EBAG9: variants seen among roughly 807,000 people sequenced by gnomAD.
EBAG9 encodes the protein estrogen receptor binding site associated antigen 9.
A neutral mutation model predicts 30.9 loss-of-function variants in EBAG9; 16 were observed. The ratio of observed to expected loss-of-function variants is 0.52; its 90% CI spans 0.35 to 0.79. EBAG9 has a LOEUF of 0.79. EBAG9 is among the 30% of genes least tolerant of loss of function. EBAG9 has a pLI of 0.01. For missense variants in EBAG9, 197 were observed against 242.1 expected (o/e 0.81, Z 1.24); for synonymous variants, 93 against 82.8 (o/e 1.12, Z -0.67).
rs374873383 is a variant in EBAG9 at position 109,564,584 on chromosome 8, A to G, written c.*25A>G. ...ACACATGTTCAAATTTTATCATGCCAGTAGGAGAAATCTCAGCTCCACAAC... is the reference window on the plus strand; with the variant it reads ...ACACATGTTCAAATTTTATCATGCCGGTAGGAGAAATCTCAGCTCCACAAC... On this transcript the variant is annotated 3_prime_UTR_variant, in exon 7 of 7. Transcript: ENST00000337573. The G allele has an allele frequency of 6.2e-7, 1 of 1,609,122 alleles. No individual in the cohort carries two copies. The highest frequency in any genetic ancestry group is 1.1e-5 in the South Asian group (1 of 90,778).
chr8:109,564,136 G>A (rs576871792), intron 6 of EBAG9, among the ~76,000 whole-genome samples: 2 of 152,112 alleles, frequency 1.3e-5, no homozygotes, highest in Admixed American at 6.6e-5. Flanking sequence ...AGTGTCAGAA[G>A]ATGTGAGTTC....
chr8:109,544,666 CTG>C (rs1821347668), intron 1 of EBAG9, among the ~76,000 whole-genome samples: 2 of 152,126 alleles, frequency 1.3e-5, no homozygotes, highest in South Asian at 4.1e-4. Context: ...AATGTTATTC[CTG>C]TAAGTGTGTG....
At chr8:109,540,977 A>G (rs1821261691) in intron 1 of EBAG9, among the ~76,000 whole-genome samples, 1 of 152,136 alleles carries the variant, frequency 6.6e-6, no homozygotes, top group African/African-American at 2.4e-5. Context: ...CAGTTTACCG[A>G]GAATTTCAAC....
At chr8:109,558,866 T>C (rs1217728093) in intron 5 of EBAG9, among the ~76,000 whole-genome samples, 1 of 152,242 alleles carries the variant, frequency 6.6e-6, no homozygotes, top group Non-Finnish European at 1.5e-5. Flanking sequence ...TCATGTTTTA[T>C]ACTTTTTTAG....
Position 109,564,704 on chromosome 8 carries a change from C to G in EBAG9, c.*145C>G, listed in dbSNP as rs1239394547. ...AGGCCATCCAGGACACCACGATTCT[C>G]CCAAAGTACCTTGAACTCTTAGTGA... On this transcript the variant is annotated 3_prime_UTR_variant, in exon 7 of 7. Coordinates refer to ENST00000337573, the MANE Select transcript of EBAG9 (RefSeq NM_004215.5). 7 of 1,159,174 alleles carry G rather than the reference C, an allele frequency of 6.0e-6. No individual in the cohort carries two copies. The highest frequency in any genetic ancestry group is 1.7e-5 in the South Asian group (1 of 57,468). The allele number at this position is 1,159,174 out of a possible 1,614,324, so 71.8% of individuals were successfully genotyped here.
intron 2 of EBAG9, among the ~76,000 whole-genome samples, chr8:109,551,374 C>T (rs1821491182): frequency 6.6e-6 from 1 of 151,144 alleles, no homozygotes; most frequent in African/African-American, 2.4e-5. Context: ...CTAGAATATG[C>T]AGGAAGTCAA....
chr8:109,545,803 A>C (rs1441901615), intron 1 of EBAG9, among the ~76,000 whole-genome samples: 1 of 152,210 alleles, frequency 6.6e-6, no homozygotes, highest in East Asian at 1.9e-4. Flanking sequence ...TTAAGGACTG[A>C]GACACTACAA....
chr8:109,547,533 T>C (rs1370678147), intron 1 of EBAG9, among the ~76,000 whole-genome samples: 2 of 151,804 alleles, frequency 1.3e-5, no homozygotes, highest in African/African-American at 4.8e-5. Flanking sequence ...CAGGCTGGAG[T>C]GCAGTGGCGT....
At chr8:109,549,829 A>T (rs1025520236) in intron 1 of EBAG9, among the ~76,000 whole-genome samples, 1 of 152,016 alleles carries the variant, frequency 6.6e-6, no homozygotes, top group Admixed American at 6.6e-5. Flanking sequence ...TATACCTGGT[A>T]ATGTTATTTT....
chr8:109,554,682 A>C (rs755009276), intron 3 of EBAG9, 47 bp from the exon 4 acceptor site: 5 of 1,577,904 alleles, frequency 3.2e-6, no homozygotes, highest in Admixed American at 3.6e-5. Flanking sequence ...TGATGTGTTC[A>C]TTAAGTTGCC....
chr8:109,564,576 A>G lies in EBAG9; in HGVS notation c.*17A>G. The G allele has an allele frequency of 1.2e-6, 2 of 1,610,520 alleles. No homozygotes were observed. The highest frequency in any genetic ancestry group is 1.7e-6 in the Non-Finnish European group (2 of 1,177,678). On this transcript the variant is annotated 3_prime_UTR_variant, in exon 7 of 7. Transcript: ENST00000337573. The stretch of plus-strand genomic sequence containing the variant: ...CTTTCATAACACATGTTCAAATTTT[A>G]TCATGCCAGTAGGAGAAATCTCAGC...
At chr8:109,560,203 G>A (rs1821683569) in intron 5 of EBAG9, among the ~76,000 whole-genome samples, 2 of 152,152 alleles carry the variant, frequency 1.3e-5, no homozygotes, top group African/African-American at 4.8e-5. Flanking sequence ...GTCTGGCTTG[G>A]GAAATAGAGG....
At position 109,550,754 on chromosome 8, in the gene EBAG9, G is replaced by A. The variant is rs938164075; in HGVS notation, c.-15-56G>A. On this transcript the variant is annotated intron_variant, in intron 1 of 6. Coordinates refer to ENST00000337573, the MANE Select transcript of EBAG9 (RefSeq NM_004215.5). ...TGCATAATAGGTCTTTTCAGGACAG[G>A]AGTATGACTTTTGAAATCAATTTAA... 7.9e-5 allele frequency: 78 copies of A among 989,436 alleles called. No individual in the cohort carries two copies. The Middle Eastern group carries it at 1.4e-3, about 18-fold the overall frequency. The allele number at this position is 989,436 out of a possible 1,614,324, so 61.3% of individuals were successfully genotyped here.
chr8:109,555,696 G>A (rs1384905905), intron 4 of EBAG9, among the ~76,000 whole-genome samples: 1 of 152,136 alleles, frequency 6.6e-6, no homozygotes, highest in Non-Finnish European at 1.5e-5. Context: ...TTGTGAGTTT[G>A]TGTTAGTCAT....
Position 109,565,353 on chromosome 8 carries a change from C to T in EBAG9, c.*794C>T, listed in dbSNP as rs1821806026. Reference sequence around the variant, plus strand: ...AAGATGTTGTGGTATCTTTGAGTGCCTTAGTTCTTCCTTCCTCCCAAAAGC... The same window carrying T: ...AAGATGTTGTGGTATCTTTGAGTGCTTTAGTTCTTCCTTCCTCCCAAAAGC... On this transcript the variant is annotated 3_prime_UTR_variant, in exon 7 of 7. Transcript: ENST00000337573. 3 of 151,950 alleles carry T rather than the reference C, an allele frequency of 2.0e-5. No individual in the cohort carries two copies. The highest frequency in any genetic ancestry group is 1.3e-4 in the Admixed American group (2 of 15,248). 9.4% of individuals were successfully genotyped at this position (151,950 alleles called of 1,614,324 possible).
chr8:109,552,093 A>G (rs1821506339), intron 2 of EBAG9, among the ~76,000 whole-genome samples: 1 of 152,030 alleles, frequency 6.6e-6, no homozygotes, highest in South Asian at 2.1e-4. Context: ...ATATATATAG[A>G]CATGACTTAG....
intron 3 of EBAG9, 94 bp downstream of exon 3, chr8:109,554,037 A>G (rs1821547792): frequency 1.0e-5 from 8 of 796,944 alleles, no homozygotes; most frequent in Non-Finnish European, 1.5e-5. Flanking sequence ...ATTGCAGATC[A>G]TTAATAGAAA....
chr8:109,540,728 G>A (rs1323977340), intron 1 of EBAG9: 1 of 152,082 alleles, frequency 6.6e-6, no homozygotes, highest in East Asian at 1.9e-4. Context: ...AAATTTAAGT[G>A]AGTTCAGGTA....
chr8:109,547,475 G>T (rs534131952), intron 1 of EBAG9, among the ~76,000 whole-genome samples: 1 of 149,468 alleles, frequency 6.7e-6, no homozygotes, highest in East Asian at 2.0e-4. Context: ...ATTTACCATT[G>T]TATATGTTCT....
Sources: allele counts gnomAD v4.1 joint callset (sites outside exome capture counted in the v4.1 genomes callset), GRCh38; gene constraint gnomAD v4.1.1; transcripts MANE v1.5; gene names NCBI Gene and HGNC (gene_info 2026-07-23, HGNC 2026-07-21).